The following HDAC1 variants were observed in gnomAD, a reference collection of about 807,000 sequenced individuals.
HDAC1 encodes histone deacetylase 1.
Under a neutral mutation model 65.5 loss-of-function variants are expected in HDAC1, and 18 were observed. The ratio of observed to expected loss-of-function variants is 0.27; its 90% CI spans 0.19 to 0.41. The LOEUF (loss-of-function observed/expected upper bound fraction) is 0.41. HDAC1 is among the 10% of genes least tolerant of loss of function. HDAC1 has a pLI of 1.00. For synonymous variants in HDAC1, 211 were observed against 227.9 expected (o/e 0.93, Z 0.67); for missense variants, 373 against 625.2 (o/e 0.60, Z 4.30).
chr1:32,303,492 T>A (rs1032218504), intron 2 of HDAC1, among the ~76,000 whole-genome samples: 3 of 151,810 alleles, frequency 2.0e-5, no homozygotes, highest in Non-Finnish European at 4.4e-5. Flanking sequence ...ACCAAAAATT[T>A]AATGCCTAAA....
In HDAC1 at chr1:32,332,681, C is replaced by T; in HGVS notation, c.1373-20C>T. 6.4e-7 allele frequency: 1 copy of T among 1,550,586 alleles called. No individual in the cohort carries two copies. On this transcript the variant is annotated intron_variant, in intron 12 of 13. Transcript: ENST00000373548. ...CCCAGAGGTGCTGCCCTTGGCCATC[C>T]CTGTACTCTTGTGTTCTAGAAGTCA...
At chr1:32,325,445 A>G (rs902310115) in intron 4 of HDAC1, among the ~76,000 whole-genome samples, 1 of 152,240 alleles carries the variant, frequency 6.6e-6, no homozygotes, top group South Asian at 2.1e-4. Flanking sequence ...GGGTTGGTGG[A>G]TAACCTCTGT....
chr1:32,331,736 G>A lies in HDAC1; in HGVS notation c.1149G>A (p.Ala383=), dbSNP rs751023967. The change falls in exon 11 of 14, where the codon GCG becomes GCA. Residue 383 remains alanine (A), a synonymous_variant. Transcript: ENST00000373548. This position sits in a 1 kb window ranked among gnomAD's most constrained non-coding sequence, Gnocchi z 4.2. ...ACGCACCTGGGGTCCAAATGCAGGCGATTCCTGAGGACGCCATCCCTGAGG... is the reference window on the plus strand; with the variant it reads ...ACGCACCTGGGGTCCAAATGCAGGCAATTCCTGAGGACGCCATCCCTGAGG... ...LPHAPGVQMQ[A]IPEDAIPEES... The A allele has an allele frequency of 2.2e-5, 36 of 1,613,990 alleles. No homozygotes were observed. The highest frequency in any genetic ancestry group is 6.7e-5 in the African/African-American group (5 of 74,896).
Position 32,330,980 on chromosome 1 carries a change from C to T in HDAC1, c.979+72C>T. 6.8e-7 allele frequency: 1 copy of T among 1,480,712 alleles called. No homozygotes were observed. Among genetic ancestry groups the T allele is most frequent in the South Asian group, 1.1e-5 (1 of 87,042 alleles). 91.7% of individuals were successfully genotyped at this position (1,480,712 alleles called of 1,614,324 possible). ...GCTCATCTGTCCTTAAGTTTATAACCCCTTCCCCGTTGGTCATATGACCGC... is the reference window on the plus strand; with the variant it reads ...GCTCATCTGTCCTTAAGTTTATAACTCCTTCCCCGTTGGTCATATGACCGC... On this transcript the variant is annotated intron_variant, in intron 9 of 13. Coordinates refer to ENST00000373548, the MANE Select transcript of HDAC1 (RefSeq NM_004964.3). This position sits in a 1 kb window ranked among gnomAD's most constrained non-coding sequence, Gnocchi z 4.2.
intron 6 of HDAC1, among the ~76,000 whole-genome samples, chr1:32,328,601 GCACT>G (rs573734883): frequency 6.5e-4 from 99 of 152,154 alleles, no homozygotes; most frequent in Non-Finnish European, 1.2e-3. Context: ...TTAAATAGGC[GCACT>G]CACTATTTTG....
At chr1:32,315,981 CA>C (rs111919247) in intron 2 of HDAC1, among the ~76,000 whole-genome samples, 3 of 130,058 alleles carry the variant, frequency 2.3e-5, no homozygotes, top group African/African-American at 5.9e-5. Flanking sequence ...AACAAACAAA[CA>C]AAAAAAAACG....
In HDAC1 at chr1:32,330,737, C is replaced by A; in HGVS notation, c.839-31C>A. 1 of 1,614,058 alleles carries A rather than the reference C, an allele frequency of 6.2e-7. No individual in the cohort carries two copies. Among genetic ancestry groups the A allele is most frequent in the Non-Finnish European group, 8.5e-7 (1 of 1,179,902 alleles). ...GTGGGCGGGGTCCTGCTTGGTGCTC[C>A]TGTAACTCAGCACCCCTTCTCCCAC... On this transcript the variant is annotated intron_variant, in intron 8 of 13. Coordinates refer to ENST00000373548, the MANE Select transcript of HDAC1 (RefSeq NM_004964.3). The surrounding 1 kb of genome is among the most constrained non-coding windows in gnomAD (Gnocchi z 4.2).
chr1:32,324,100 TAA>T (rs776697437), intron 3 of HDAC1, among the ~76,000 whole-genome samples: 37 of 132,170 alleles, frequency 2.8e-4, no homozygotes, highest in Admixed American at 5.3e-4. Context: ...GCTCTGTCTC[TAA>T]AAAAAAAAAA....
rs373092779 is a variant in HDAC1 at position 32,295,765 on chromosome 1, A to ATTTG, written c.49+3570_49+3573dup. ...CAATCAGCATATGGATAGTTATTTTATTTGTTTGTTTGTTTGTTTGTTTGT... is the reference window on the plus strand; with the variant it reads ...CAATCAGCATATGGATAGTTATTTTATTTGTTTGTTTGTTTGTTTGTTTGTTTGT... On this transcript the variant is annotated intron_variant, in intron 1 of 13. Coordinates refer to ENST00000373548, the MANE Select transcript of HDAC1 (RefSeq NM_004964.3). Among the ~76,000 whole-genome samples, 641 of 151,852 alleles carry ATTTG rather than the reference A, an allele frequency of 4.2e-3. 3 individuals carry two copies. The highest frequency in any genetic ancestry group is 0.013 in the African/African-American group (544 of 41,368).
At chr1:32,299,558 G>A (rs534581048) in intron 1 of HDAC1, among the ~76,000 whole-genome samples, 1 of 152,222 alleles carries the variant, frequency 6.6e-6, no homozygotes, top group East Asian at 1.9e-4. Context: ...ATCTAGGCTT[G>A]ATAGGCAAGG....
chr1:32,331,634 G>C lies in HDAC1; in HGVS notation c.1089-42G>C, dbSNP rs1380774120. On this transcript the variant is annotated intron_variant, in intron 10 of 13. Coordinates refer to ENST00000373548, the MANE Select transcript of HDAC1 (RefSeq NM_004964.3). The surrounding 1 kb of genome is among the most constrained non-coding windows in gnomAD (Gnocchi z 4.2). ...GGTTGAACATTCCTGACTTTGGTTT[G>C]TCCCTGACCAGAGCCCTGCTACTCT... is the stretch of plus-strand genomic sequence containing the variant. 5 of 1,613,682 alleles carry C rather than the reference G, an allele frequency of 3.1e-6. No individual in the cohort carries two copies. Among genetic ancestry groups the C allele is most frequent in the Non-Finnish European group, 4.2e-6 (5 of 1,179,706 alleles).
chr1:32,303,871 G>C (rs763982653), intron 2 of HDAC1, among the ~76,000 whole-genome samples: 9 of 152,052 alleles, frequency 5.9e-5, no homozygotes, highest in Non-Finnish European at 1.3e-4. Flanking sequence ...CAAAAAAAAA[G>C]TTAACCCAGA....
intron 2 of HDAC1, 79 bp downstream of exon 2, chr1:32,302,812 C>G (rs1158245918): frequency 1.3e-6 from 1 of 750,212 alleles, no homozygotes; most frequent in Non-Finnish European, 2.5e-6. Flanking sequence ...CTCATTTTCT[C>G]CACCACTCAT....
Position 32,297,477 on chromosome 1 carries a change from G to GT in HDAC1, c.50-5141dup, listed in dbSNP as rs556210712. Among the ~76,000 whole-genome samples, 11 of 152,226 alleles carry GT rather than the reference G, an allele frequency of 7.2e-5. 1 individual carries two copies. The South Asian group carries it at 2.3e-3, about 32-fold the overall frequency. On this transcript the variant is annotated intron_variant, in intron 1 of 13. Coordinates refer to ENST00000373548, the MANE Select transcript of HDAC1 (RefSeq NM_004964.3). ...GGTGGGAGACTGAGGCAGGTGGATG[G>GT]TTTGAGCCCAGGTGGAGCCTGCAGT... is the stretch of plus-strand genomic sequence containing the variant.
chr1:32,325,884 G>A (rs928098167), intron 4 of HDAC1, among the ~76,000 whole-genome samples: 15 of 152,010 alleles, frequency 9.9e-5, no homozygotes, highest in Admixed American at 7.2e-4. Flanking sequence ...AAAATTAGCC[G>A]GGCGTGGTGG....
chr1:32,324,637 G>A, intron 4 of HDAC1, 84 bp downstream of exon 4: 1 of 903,060 alleles, frequency 1.1e-6, no homozygotes, highest in East Asian at 2.4e-5. Context: ...CTAGTTGGCT[G>A]ATCTGAAACC....
chr1:32,332,463 GC>G (rs1168497398), intron 12 of HDAC1, among the ~76,000 whole-genome samples: 5 of 152,178 alleles, frequency 3.3e-5, no homozygotes, highest in Non-Finnish European at 2.9e-5. Context: ...CCTTTTCCCA[GC>G]ACTGCACCCC....
chr1:32,321,746 C>G (rs995611963), intron 3 of HDAC1, among the ~76,000 whole-genome samples: 3 of 151,422 alleles, frequency 2.0e-5, no homozygotes, highest in East Asian at 1.9e-4. Context: ...TTTTTTCTCA[C>G]GTCCAAAACA....
intron 3 of HDAC1, among the ~76,000 whole-genome samples, chr1:32,318,974 C>T (rs1641102668): frequency 6.6e-6 from 1 of 152,130 alleles, no homozygotes; most frequent in African/African-American, 2.4e-5. Flanking sequence ...CAAAAATTAG[C>T]TTGGTTTGGT....
Sources: allele counts gnomAD v4.1 joint callset (sites outside exome capture counted in the v4.1 genomes callset), GRCh38; gene constraint gnomAD v4.1.1; non-coding constraint Gnocchi (gnomAD v3.1); transcripts MANE v1.5; gene names NCBI Gene and HGNC (gene_info 2026-07-23, HGNC 2026-07-21).